Variants in CUX2 observed in about 807,000 individuals in gnomAD.
The protein encoded by CUX2 is homeobox protein cut-like 2.
CUX2 carries 40 observed loss-of-function variants against 144.8 expected under a neutral mutation model. The observed-to-expected ratio is 0.28, with a 90% CI of 0.21 to 0.36. The LOEUF (loss-of-function observed/expected upper bound fraction) is 0.36, where lower values mean the gene tolerates loss of function less well. Among genes scored for constraint, CUX2 ranks in the 10% least tolerant of loss-of-function variants. The probability of loss-of-function intolerance (pLI) is 1.00; values close to 1 mark genes in which losing one functional copy is unlikely to be tolerated. For synonymous variants in CUX2, 827 were observed against 875.6 expected, an observed-to-expected ratio of 0.94 and a Z score of 0.98; for missense variants, 1,615 against 1,994.0, an observed-to-expected ratio of 0.81 and a Z score of 3.62.
chr12:111,179,682 GT>G (rs771551244), intron 1 of CUX2, among the ~76,000 whole-genome samples: 102 of 141,630 alleles, frequency 7.2e-4, no homozygotes, highest in Middle Eastern at 3.6e-3. Context: ...CCATGGTTTT[GT>G]TTTTTTTTTT....
chr12:111,087,741 G>A (rs1226132152), intron 1 of CUX2, among the ~76,000 whole-genome samples: 1 of 152,190 alleles, frequency 6.6e-6, no homozygotes, highest in East Asian at 1.9e-4. Context: ...TAGTAGATGT[G>A]TGATGGATAT....
At chr12:111,113,692 C>A (rs1874119677) in intron 1 of CUX2, among the ~76,000 whole-genome samples, 1 of 152,150 alleles carries the variant, frequency 6.6e-6, no homozygotes, top group Non-Finnish European at 1.5e-5. Flanking sequence ...GTAGCTGGTA[C>A]TATGGGCATG....
intron 18 of CUX2, among the ~76,000 whole-genome samples, chr12:111,334,081 G>T (rs1888233683): frequency 6.6e-6 from 1 of 151,312 alleles, no homozygotes; most frequent in African/African-American, 2.4e-5. Context: ...CAGCTACTTG[G>T]GAGGCTGAGG....
At chr12:111,170,731 C>T (rs1003447171) in intron 1 of CUX2, among the ~76,000 whole-genome samples, 3 of 151,982 alleles carry the variant, frequency 2.0e-5, no homozygotes, top group Admixed American at 6.6e-5. Context: ...TGATTCCAGT[C>T]TTCCCCATTC....
At chr12:111,305,265 CATA>C (rs1463858232) in intron 10 of CUX2, among the ~76,000 whole-genome samples, 1 of 152,174 alleles carries the variant, frequency 6.6e-6, no homozygotes, top group African/African-American at 2.4e-5. Flanking sequence ...TGATTCCTTA[CATA>C]ATAACAGGTC....
At chr12:111,066,364 G>A (rs1871019692) in intron 1 of CUX2, among the ~76,000 whole-genome samples, 2 of 152,314 alleles carry the variant, frequency 1.3e-5, no homozygotes, top group South Asian at 4.2e-4. Context: ...GGACACTGAA[G>A]TCCTCTCAAT....
rs1227284505 is a variant in CUX2 at position 111,068,359 on chromosome 12, G to T, written c.63+34119G>T. On this transcript the variant is annotated intron_variant, in intron 1 of 21. Transcript: ENST00000261726. The surrounding 1 kb of genome is among the most constrained non-coding windows in gnomAD (Gnocchi z 4.9). The stretch of plus-strand genomic sequence containing the variant: ...ATGCACAGGGAAAAGTGCTTCCTGT[G>T]GATGAATGACATCTGTATGAAAAGC... Among the ~76,000 whole-genome samples the T allele has an allele frequency of 6.6e-6, 1 of 152,194 alleles. No homozygotes were observed. Among genetic ancestry groups the T allele is most frequent in the Non-Finnish European group, 1.5e-5 (1 of 68,042 alleles).
chr12:111,081,752 C>T (rs1327808374), intron 1 of CUX2, among the ~76,000 whole-genome samples: 1 of 152,234 alleles, frequency 6.6e-6, no homozygotes, highest in Non-Finnish European at 1.5e-5. Context: ...CCACTGTCCA[C>T]TGTGTAGCCT....
rs183177748 is a variant in CUX2, at chr12:111,322,662, C to G, written c.2926+82C>G. On this transcript the variant is annotated intron_variant, in intron 18 of 21. Coordinates refer to ENST00000261726, the MANE Select transcript of CUX2 (RefSeq NM_015267.4). This position sits in a 1 kb window ranked among gnomAD's most constrained non-coding sequence, Gnocchi z 4.2. ...GGCATGTCCGCCTGGCTTTACTGCC[C>G]GAGTCTACCTATCTCTCCCTCCCTG... 1.3e-6 allele frequency: 2 copies of G among 1,509,842 alleles called. No individual in the cohort carries two copies. The highest frequency in any genetic ancestry group is 2.4e-5 in the South Asian group (2 of 83,964). 93.5% of individuals were successfully genotyped at this position (1,509,842 alleles called of 1,614,324 possible). A position where few individuals can be genotyped will look rare whatever the true frequency, so the allele number is the denominator to read the frequency against.
chr12:111,210,012 G>A (rs1346632711), intron 1 of CUX2, among the ~76,000 whole-genome samples: 1 of 152,242 alleles, frequency 6.6e-6, no homozygotes, highest in African/African-American at 2.4e-5. Flanking sequence ...CTGGCCCAAA[G>A]TCTGGGGCTG....
In CUX2 at chr12:111,289,414, C is replaced by T. The variant is rs181125372; in HGVS notation, c.302-2004C>T. 7.2e-5 allele frequency among the ~76,000 whole-genome samples: 11 copies of T among 152,274 alleles called. No homozygotes were observed. Among genetic ancestry groups the T allele is most frequent in the African/African-American group, 2.4e-4 (10 of 41,560 alleles). On this transcript the variant is annotated intron_variant, in intron 4 of 21. Coordinates refer to ENST00000261726, the MANE Select transcript of CUX2 (RefSeq NM_015267.4). The surrounding 1 kb of genome is among the most constrained non-coding windows in gnomAD (Gnocchi z 4.1). Reference sequence around the variant, plus strand: ...CTCAGTTTCCTCATCTGTGAAAATGCCTTGGATCCAAGCCAGCCTCCAGGG... The same window carrying T: ...CTCAGTTTCCTCATCTGTGAAAATGTCTTGGATCCAAGCCAGCCTCCAGGG...
At position 111,320,052 on chromosome 12, in the gene CUX2, C is replaced by T. The variant is rs760450711; in HGVS notation, c.2043C>T (p.Asn681=). The T allele has an allele frequency of 7.5e-5, 116 of 1,543,712 alleles. 1 individual carries two copies. The South Asian group carries it at 1.2e-3, about 16-fold the overall frequency. Residue 681 remains asparagine, a synonymous_variant, in exon 17 of 22, where the codon AAC becomes AAT. Transcript: ENST00000261726. The surrounding 1 kb of genome is among the most constrained non-coding windows in gnomAD (Gnocchi z 8.1). ...CGGTGGCCCCGCTGAGCATCGCCAA[C>T]GGCACGACCCCCGCCAGCACCTCGG... ...KTSVAPLSIA[N]GTTPASTSED...
Position 111,291,508 on chromosome 12 carries a change from T to G in CUX2, c.392T>G (p.Leu131Arg). ...CCCAGTGGGCAGCCCCGGCGAGACC[T>G]CCACACTTCGTGGAAGAGGAACCCC... ...FDPSGQPRRD[L>R]HTSWKRNPEL... Residue 131 changes from leucine to arginine, a missense_variant, in exon 5 of 22, where the codon CTC becomes CGC. Transcript: ENST00000261726. 6.2e-7 allele frequency: 1 copy of G among 1,611,948 alleles called. No homozygotes were observed. The highest frequency in any genetic ancestry group is 1.3e-5 in the African/African-American group (1 of 74,994).
chr12:111,261,779 T>C (rs532305250), intron 3 of CUX2, among the ~76,000 whole-genome samples: 5 of 152,240 alleles, frequency 3.3e-5, no homozygotes, highest in African/African-American at 4.8e-5. Flanking sequence ...GGCGGGTGCC[T>C]GTAATCTCAG....
At chr12:111,276,972 T>A (rs1178609102) in intron 4 of CUX2, among the ~76,000 whole-genome samples, 1 of 152,140 alleles carries the variant, frequency 6.6e-6, no homozygotes, top group African/African-American at 2.4e-5. Context: ...TTAAGTGAGA[T>A]ATAGAGATAT....
chr12:111,307,661 C>G lies in CUX2; in HGVS notation c.1109+404C>G, dbSNP rs1886658186. ...GCAGTGAGCTGTGGTGGCACCACTG[C>G]ACTCCAGCCTGGACAACACAGTGAG... is the stretch of plus-strand genomic sequence containing the variant. On this transcript the variant is annotated intron_variant, in intron 12 of 21. Coordinates refer to ENST00000261726, the MANE Select transcript of CUX2 (RefSeq NM_015267.4). This position sits in a 1 kb window ranked among gnomAD's most constrained non-coding sequence, Gnocchi z 4.1. Among the ~76,000 whole-genome samples, 1 of 152,228 alleles carries G rather than the reference C, an allele frequency of 6.6e-6. No homozygotes were observed. Among genetic ancestry groups the G allele is most frequent in the Non-Finnish European group, 1.5e-5 (1 of 68,050 alleles).
intron 12 of CUX2, 38 bp from the exon 13 acceptor site, chr12:111,308,247 G>T (rs752615402): frequency 9.9e-6 from 16 of 1,613,074 alleles, no homozygotes; most frequent in Non-Finnish European, 1.3e-5. Flanking sequence ...CAGCCCGGGG[G>T]CTGGCTGACC....
At chr12:111,153,398 C>T (rs915637750) in intron 1 of CUX2, among the ~76,000 whole-genome samples, 14 of 152,152 alleles carry the variant, frequency 9.2e-5, no homozygotes, top group African/African-American at 3.1e-4. Flanking sequence ...TGCTGTTGAA[C>T]ATCATGGAGT....
At chr12:111,081,122 C>A (rs550436503) in intron 1 of CUX2, among the ~76,000 whole-genome samples, 19 of 152,228 alleles carry the variant, frequency 1.2e-4, no homozygotes, top group African/African-American at 4.1e-4. Flanking sequence ...CCTCACCATG[C>A]TGTCACCGTT....
Sources: allele counts gnomAD v4.1 joint callset (sites outside exome capture counted in the v4.1 genomes callset), GRCh38; gene constraint gnomAD v4.1.1; non-coding constraint Gnocchi (gnomAD v3.1); transcripts MANE v1.5; gene names NCBI Gene and HGNC (gene_info 2026-07-23, HGNC 2026-07-21).